The following CDH2 variants were observed in gnomAD, a reference collection of about 807,000 sequenced individuals.
CDH2 encodes cadherin 2, also known as cadherin-2.
A neutral mutation model predicts 92.0 loss-of-function variants in CDH2; 17 were observed. The observed-to-expected ratio is 0.18, with a 90% CI of 0.13 to 0.28. The LOEUF (loss-of-function observed/expected upper bound fraction) is 0.28. CDH2 is among the 10% of genes least tolerant of loss of function. The pLI, the probability that CDH2 is intolerant of heterozygous loss-of-function variation, is 1.00. For synonymous variants in CDH2, 419 were observed against 415.9 expected (o/e 1.01, Z -0.09); for missense variants, 862 against 1,133.1 (o/e 0.76, Z 3.44).
chr18:27,947,330 T>C (rs1270605715), downstream of CDH2, among the ~76,000 whole-genome samples: 1 of 151,802 alleles, frequency 6.6e-6, no homozygotes, highest in East Asian at 1.9e-4. Context: ...TAAAATGAGA[T>C]GTTTAGTGAA....
rs969284583 is a variant in CDH2 at position 28,132,256 on chromosome 18, C to T, written c.172+15417G>A. Among the ~76,000 whole-genome samples, 8 of 152,186 alleles carry T rather than the reference C, an allele frequency of 5.3e-5. No individual in the cohort carries two copies. In the East Asian group the frequency reaches 5.8e-4, roughly 11 times the overall value. On this transcript the variant is annotated intron_variant, in intron 2 of 15. Transcript: ENST00000269141. ...CTGCACGGAACAGAAACTCATCTCA[C>T]GCTGCCTTACACAATCAATGGTGCT...
At chr18:28,140,939 C>A (rs59583745) in intron 2 of CDH2, among the ~76,000 whole-genome samples, 1 of 149,340 alleles carries the variant, frequency 6.7e-6, no homozygotes, top group Admixed American at 6.7e-5. Context: ...TATGAAATAT[C>A]GTTAGTCATT....
chr18:28,097,189 C>T (rs2015149524), intron 2 of CDH2: 2 of 152,094 alleles, frequency 1.3e-5, no homozygotes, highest in African/African-American at 2.4e-5. Flanking sequence ...TTCACTTCTG[C>T]ATCTGTGTCT....
chr18:28,155,811 A>T (rs1200104594), intron 1 of CDH2, among the ~76,000 whole-genome samples: 1 of 152,214 alleles, frequency 6.6e-6, no homozygotes, highest in Non-Finnish European at 1.5e-5. Context: ...GATTCTCGAC[A>T]TCTCACAGGA....
At chr18:27,971,538 A>C (rs2011659999) in intron 14 of CDH2, among the ~76,000 whole-genome samples, 1 of 152,156 alleles carries the variant, frequency 6.6e-6, no homozygotes, top group Non-Finnish European at 1.5e-5. Context: ...ATGCACAGTG[A>C]AAGTATTTAA....
chr18:28,091,001 C>T lies in CDH2; in HGVS notation c.172+56672G>A, dbSNP rs144202682. ...TCTCTACAAGATAATACCTAATATG[C>T]TAGTCCTCCGGGCAGTTTACATTGA... is the stretch of plus-strand genomic sequence containing the variant. On this transcript the variant is annotated intron_variant, in intron 2 of 15. Coordinates refer to ENST00000269141, the MANE Select transcript of CDH2 (RefSeq NM_001792.5). 1.6e-4 allele frequency among the ~76,000 whole-genome samples: 25 copies of T among 152,284 alleles called. No homozygotes were observed. In the East Asian group the frequency reaches 4.3e-3, roughly 26 times the overall value.
At chr18:28,017,035 T>C (rs1381928606) in intron 2 of CDH2, among the ~76,000 whole-genome samples, 6 of 152,290 alleles carry the variant, frequency 3.9e-5, no homozygotes, top group African/African-American at 7.2e-5. Context: ...TAGTATTTTA[T>C]TGATGATTTT....
At chr18:28,085,871 A>G (rs2014917488) in intron 2 of CDH2, among the ~76,000 whole-genome samples, 1 of 152,166 alleles carries the variant, frequency 6.6e-6, no homozygotes, top group African/African-American at 2.4e-5. Flanking sequence ...AATTTCCTAC[A>G]AAATTAGTAT....
rs143918620 is a variant in CDH2 at position 27,933,394 on chromosome 18, A to G, written c.1152-270T>C. Among the ~76,000 whole-genome samples the G allele has an allele frequency of 3.6e-4, 55 of 152,280 alleles. No homozygotes were observed. The East Asian group carries it at 8.7e-3, about 24-fold the overall frequency. Reference sequence around the variant, plus strand: ...CCTCTTTACTTTCAACTATTCATCTATAAAATGTATAGGTATGTTGTGAAA... The same window carrying G: ...CCTCTTTACTTTCAACTATTCATCTGTAAAATGTATAGGTATGTTGTGAAA... On this transcript the variant is annotated intron_variant, in intron 6 of 6. Transcript: ENST00000675173.
chr18:28,001,577 G>A (rs929489004), intron 7 of CDH2, among the ~76,000 whole-genome samples: 2 of 151,930 alleles, frequency 1.3e-5, no homozygotes, highest in African/African-American at 4.8e-5. Context: ...GCAATGAAGA[G>A]GTGAAAATAT....
intron 2 of CDH2, among the ~76,000 whole-genome samples, chr18:28,069,325 G>C (rs2014572558): frequency 6.6e-6 from 1 of 152,124 alleles, no homozygotes; most frequent in African/African-American, 2.4e-5. Context: ...TGATTATTCT[G>C]TAAGTGGAAA....
intron 5 of CDH2, among the ~76,000 whole-genome samples, chr18:28,009,264 GAC>G (rs1226663249): frequency 6.6e-6 from 1 of 152,102 alleles, no homozygotes; most frequent in African/African-American, 2.4e-5. Context: ...TTCCTAATTA[GAC>G]AAAAGGTTCT....
chr18:28,153,978 G>T (rs536948093), intron 1 of CDH2, among the ~76,000 whole-genome samples: 1 of 152,258 alleles, frequency 6.6e-6, no homozygotes, highest in East Asian at 1.9e-4. Context: ...CATTAAAACA[G>T]ACTCTCAAGA....
intron 14 of CDH2, among the ~76,000 whole-genome samples, chr18:27,972,161 AT>A (rs199731016): frequency 4.6e-5 from 7 of 151,606 alleles, no homozygotes; most frequent in South Asian, 2.1e-4. Flanking sequence ...GTATACTCAG[AT>A]TTTTTTTTAA....
chr18:28,007,156 T>TTAAAA (rs1555632723), intron 5 of CDH2, among the ~76,000 whole-genome samples: 4 of 106,678 alleles, frequency 3.7e-5, no homozygotes, highest in South Asian at 3.3e-4. Context: ...TGAGACTCCA[T>TTAAAA]AAAAAAAAAA....
chr18:28,049,831 C>T (rs1319113606), intron 2 of CDH2, among the ~76,000 whole-genome samples: 1 of 152,194 alleles, frequency 6.6e-6, no homozygotes, highest in Non-Finnish European at 1.5e-5. Context: ...TACTGCATAG[C>T]AAATAGTCAC....
At chr18:27,992,447 G>C (rs951960975) in intron 9 of CDH2, among the ~76,000 whole-genome samples, 1 of 152,138 alleles carries the variant, frequency 6.6e-6, no homozygotes, top group Non-Finnish European at 1.5e-5. Flanking sequence ...CCTCACATCA[G>C]TGATGATGTG....
At chr18:27,948,090 T>G (rs1909321537), downstream of CDH2, among the ~76,000 whole-genome samples, 2 of 151,022 alleles carry the variant, frequency 1.3e-5, no homozygotes, top group African/African-American at 4.8e-5. Flanking sequence ...GGGTTTATAC[T>G]GAAGTTTTTA....
chr18:28,024,060 G>T (rs1049848488), intron 2 of CDH2, among the ~76,000 whole-genome samples: 1 of 146,632 alleles, frequency 6.8e-6, no homozygotes, highest in East Asian at 2.1e-4. Flanking sequence ...ATCTCATAAA[G>T]AAGGATTCTT....
Sources: gnomAD v4.1 joint callset for allele counts (sites outside exome capture counted in the v4.1 genomes callset) on GRCh38, gnomAD v4.1.1 for gene constraint, MANE v1.5 for transcripts, NCBI Gene and HGNC (gene_info 2026-07-23, HGNC 2026-07-21) for gene names.